The following MAGI2 variants were observed in gnomAD, a reference collection of about 807,000 sequenced individuals.
The protein encoded by MAGI2 is membrane associated guanylate kinase, WW and PDZ domain containing 2, also known as membrane-associated guanylate kinase, WW and PDZ domain-containing protein 2.
A neutral mutation model predicts 133.3 loss-of-function variants in MAGI2; 35 were observed. That is an observed-to-expected ratio of 0.26 (90% CI 0.20 to 0.35). The LOEUF is 0.35. Among genes scored for constraint, MAGI2 ranks in the 10% least tolerant of loss-of-function variants. MAGI2 has a pLI of 1.00. For synonymous variants in MAGI2, 729 were observed against 710.6 expected (o/e 1.03, Z -0.41); for missense variants, 1,636 against 1,863.4 (o/e 0.88, Z 2.25).
chr7:78,937,627 G>A (rs138007342), intron 2 of MAGI2, among the ~76,000 whole-genome samples: 2 of 152,208 alleles, frequency 1.3e-5, no homozygotes, highest in Middle Eastern at 3.4e-3. Flanking sequence ...TCAATGCAAC[G>A]ATACTTATAT....
intron 1 of MAGI2, among the ~76,000 whole-genome samples, chr7:79,175,114 G>A (rs926084705): frequency 6.6e-6 from 1 of 151,784 alleles, no homozygotes. Context: ...AGCTGCAGAA[G>A]ATACATGCTT....
intron 9 of MAGI2, among the ~76,000 whole-genome samples, chr7:78,338,459 T>A (rs1242179551): frequency 6.6e-6 from 1 of 152,222 alleles, no homozygotes. Context: ...ATTGTTGTAC[T>A]TATGTACATA....
chr7:78,290,248 A>G (rs1796563921), intron 9 of MAGI2, among the ~76,000 whole-genome samples: 2 of 152,214 alleles, frequency 1.3e-5, no homozygotes. Flanking sequence ...AATTAAAGGG[A>G]TGGAGGAAGA....
chr7:78,071,364 G>A (rs906253966), intron 21 of MAGI2, among the ~76,000 whole-genome samples: 3 of 152,068 alleles, frequency 2.0e-5, no homozygotes, highest in East Asian at 1.9e-4. Flanking sequence ...GGTGAAACCC[G>A]GTCTCTACTA....
intron 1 of MAGI2, among the ~76,000 whole-genome samples, chr7:79,081,862 C>T (rs1229481866): frequency 6.6e-6 from 1 of 152,064 alleles, no homozygotes. Context: ...GAAACAATTA[C>T]ATTTGATGCC....
intron 1 of MAGI2, among the ~76,000 whole-genome samples, chr7:79,123,269 C>T (rs1820074047): frequency 6.6e-6 from 1 of 152,124 alleles, no homozygotes; most frequent in South Asian, 2.1e-4. Flanking sequence ...AACTTTACCT[C>T]AATAAACAGC....
intron 2 of MAGI2, 47 bp downstream of exon 2, chr7:79,007,043 C>G: frequency 7.6e-7 from 1 of 1,315,466 alleles, no homozygotes; most frequent in Non-Finnish European, 1.1e-6. Context: ...TATAGCTAAA[C>G]ATTTATCTCT....
At chr7:78,220,870 A>G (rs1462715750) in intron 10 of MAGI2, among the ~76,000 whole-genome samples, 1 of 152,146 alleles carries the variant, frequency 6.6e-6, no homozygotes, top group Non-Finnish European at 1.5e-5. Flanking sequence ...AACTTTATTG[A>G]GCTTTGACTG....
chr7:79,269,452 T>G (rs2129557086), intron 1 of MAGI2, among the ~76,000 whole-genome samples: 1 of 152,208 alleles, frequency 6.6e-6, no homozygotes, highest in Admixed American at 6.5e-5. Context: ...GGTGCAAGGC[T>G]CTTTGTTTAC....
At chr7:78,409,483 G>A (rs899918997) in intron 6 of MAGI2, among the ~76,000 whole-genome samples, 2 of 152,032 alleles carry the variant, frequency 1.3e-5, no homozygotes, top group South Asian at 4.2e-4. Context: ...AAAAAGACCA[G>A]TCTACTCAAA....
chr7:78,937,637 T>C (rs915451131), intron 2 of MAGI2, among the ~76,000 whole-genome samples: 6 of 152,118 alleles, frequency 3.9e-5, no homozygotes, highest in African/African-American at 1.4e-4. Context: ...GATACTTATA[T>C]AATGGGGAAT....
At chr7:78,957,264 C>CA (rs1187620956) in intron 2 of MAGI2, among the ~76,000 whole-genome samples, 5,272 of 42,096 alleles carry the variant, frequency 0.13, 306 homozygotes, top group African/African-American at 0.21. Flanking sequence ...GACTCCATCT[C>CA]AAAAAAAAAA....
chr7:78,209,678 A>G (rs933689085), intron 10 of MAGI2, among the ~76,000 whole-genome samples: 1 of 152,186 alleles, frequency 6.6e-6, no homozygotes, highest in Non-Finnish European at 1.5e-5. Flanking sequence ...CCACCATTGT[A>G]ATTCACGCCC....
At chr7:78,892,591 T>C (rs1449709804) in intron 2 of MAGI2, among the ~76,000 whole-genome samples, 1 of 152,082 alleles carries the variant, frequency 6.6e-6, no homozygotes. Context: ...CTACAACCAT[T>C]GGATCTTTGA....
intron 2 of MAGI2, among the ~76,000 whole-genome samples, chr7:78,721,271 A>G (rs1392390455): frequency 2.0e-5 from 3 of 152,020 alleles, no homozygotes; most frequent in Non-Finnish European, 4.4e-5. Context: ...AAATCACTGT[A>G]TATGTATGTA....
At position 78,425,324 on chromosome 7, in the gene MAGI2, G is replaced by A. The variant is rs1441459658; in HGVS notation, c.1046-56111C>T. Among the ~76,000 whole-genome samples, 4 of 152,138 alleles carry A rather than the reference G, an allele frequency of 2.6e-5. No homozygotes were observed. In the East Asian group the frequency reaches 5.8e-4, roughly 22 times the overall value. Reference sequence around the variant, plus strand: ...GTGATTGTGAGGCTTCCTCAGCCACGTGGAACTGTAAGTCCAATTAAACCT... The same window carrying A: ...GTGATTGTGAGGCTTCCTCAGCCACATGGAACTGTAAGTCCAATTAAACCT... On this transcript the variant is annotated intron_variant, in intron 6 of 21. Coordinates refer to ENST00000354212, the MANE Select transcript of MAGI2 (RefSeq NM_012301.4).
chr7:78,546,517 A>G (rs1166254791), intron 3 of MAGI2, among the ~76,000 whole-genome samples: 73 of 152,230 alleles, frequency 4.8e-4, no homozygotes, highest in Non-Finnish European at 1.9e-4. Flanking sequence ...TAAAAATTCT[A>G]AATTATAGCT....
Position 78,146,168 on chromosome 7 carries a change from T to G in MAGI2, c.2846-10962A>C, listed in dbSNP as rs114453638. Among the ~76,000 whole-genome samples the G allele has an allele frequency of 4.8e-3, 729 of 152,262 alleles. 7 individuals carry two copies. Among genetic ancestry groups the G allele is most frequent in the African/African-American group, 0.017 (693 of 41,566 alleles). On this transcript the variant is annotated intron_variant, in intron 16 of 21. Coordinates refer to ENST00000354212, the MANE Select transcript of MAGI2 (RefSeq NM_012301.4). ...TTATTCCATTCTGTCCCGAGTATTT[T>G]AGGTTCTGGGCCTCCCTGAGTTTCT...
intron 1 of MAGI2, among the ~76,000 whole-genome samples, chr7:79,427,883 C>T (rs762687277): frequency 2.0e-5 from 3 of 151,954 alleles, no homozygotes; most frequent in African/African-American, 7.3e-5. Flanking sequence ...GGTATTAATA[C>T]AGGTAGGGCA....
Sources: gnomAD v4.1 joint callset for allele counts (sites outside exome capture counted in the v4.1 genomes callset) on GRCh38, gnomAD v4.1.1 for gene constraint, MANE v1.5 for transcripts, NCBI Gene and HGNC (gene_info 2026-07-23, HGNC 2026-07-21) for gene names.